Variants in ASAP1 observed in about 807,000 individuals in gnomAD.
ASAP1 encodes ArfGAP with SH3 domain, ankyrin repeat and PH domain 1.
A neutral mutation model predicts 145.2 loss-of-function variants in ASAP1; 43 were observed. The ratio of observed to expected loss-of-function variants is 0.30; its 90% CI spans 0.23 to 0.38. ASAP1 has a LOEUF of 0.38. Ranked by LOEUF, ASAP1 falls within the 10% of genes least tolerant of loss-of-function variation. The probability of loss-of-function intolerance (pLI) is 1.00; values close to 1 mark genes in which losing one functional copy is unlikely to be tolerated. For missense variants in ASAP1, 1,018 were observed against 1,355.3 expected, an observed-to-expected ratio of 0.75 and a Z score of 3.91; for synonymous variants, 546 against 515.5, an observed-to-expected ratio of 1.06 and a Z score of -0.80.
chr8:130,217,373 C>G (rs1816993679), intron 4 of ASAP1, among the ~76,000 whole-genome samples: 1 of 151,536 alleles, frequency 6.6e-6, no homozygotes, highest in Non-Finnish European at 1.5e-5. Flanking sequence ...TAAAGTCTTC[C>G]TTTAGTTGGA....
intron 3 of ASAP1, among the ~76,000 whole-genome samples, chr8:130,316,775 T>A (rs1445373291): frequency 6.6e-6 from 1 of 152,232 alleles, no homozygotes; most frequent in Non-Finnish European, 1.5e-5. Flanking sequence ...ATGTCTAAGT[T>A]CCTTTTAGAG....
At chr8:130,340,062 C>A (rs990838061) in intron 3 of ASAP1, among the ~76,000 whole-genome samples, 3 of 152,148 alleles carry the variant, frequency 2.0e-5, no homozygotes, top group African/African-American at 2.4e-5. Flanking sequence ...TGGAGATAAA[C>A]AGATGAATAA....
chr8:130,378,135 T>A (rs982524559), intron 2 of ASAP1, among the ~76,000 whole-genome samples: 8 of 152,246 alleles, frequency 5.3e-5, no homozygotes, highest in African/African-American at 1.9e-4. Context: ...GTTAACCTCT[T>A]AATCCTCAGT....
chr8:130,371,843 T>C (rs1827227360), intron 2 of ASAP1, among the ~76,000 whole-genome samples: 1 of 152,246 alleles, frequency 6.6e-6, no homozygotes, highest in Non-Finnish European at 1.5e-5. Flanking sequence ...ACATAATTGC[T>C]AATGTTATTT....
Position 130,350,895 on chromosome 8 carries a change from C to T in ASAP1, c.186+7122G>A, listed in dbSNP as rs1211640840. 2.6e-5 allele frequency among the ~76,000 whole-genome samples: 4 copies of T among 152,180 alleles called. No homozygotes were observed. In the South Asian group the frequency reaches 6.2e-4, roughly 24 times the overall value. On this transcript the variant is annotated intron_variant, in intron 3 of 29. Coordinates refer to ENST00000518721, the MANE Select transcript of ASAP1 (RefSeq NM_018482.4). ...GTGGTTCTTTAGCCAGGGCTCTGGG[C>T]AGCTCATAGGCAAATCAGGTTGGGT...
chr8:130,206,156 G>T (rs1002532504), intron 5 of ASAP1, among the ~76,000 whole-genome samples: 4 of 152,070 alleles, frequency 2.6e-5, no homozygotes, highest in Non-Finnish European at 4.4e-5. Flanking sequence ...ATGTCCCACA[G>T]TATTAATTGG....
At chr8:130,296,163 G>A (rs1822259096) in intron 3 of ASAP1, among the ~76,000 whole-genome samples, 2 of 152,286 alleles carry the variant, frequency 1.3e-5, no homozygotes, top group East Asian at 1.9e-4. Context: ...AGGGAGGCCC[G>A]ACCTTCCTTA....
intron 27 of ASAP1, among the ~76,000 whole-genome samples, chr8:130,073,885 G>C (rs1340688432): frequency 6.6e-6 from 1 of 152,110 alleles, no homozygotes; most frequent in African/African-American, 2.4e-5. Flanking sequence ...CAGGTTTCTG[G>C]AATCAACTTC....
chr8:130,148,329 G>A (rs2097637792), intron 13 of ASAP1, among the ~76,000 whole-genome samples: 1 of 152,198 alleles, frequency 6.6e-6, no homozygotes, highest in Non-Finnish European at 1.5e-5. Context: ...TAACCTCTCT[G>A]AGCTTCATCT....
intron 8 of ASAP1, among the ~76,000 whole-genome samples, chr8:130,179,889 TG>T: frequency 6.6e-6 from 1 of 152,116 alleles, no homozygotes; most frequent in East Asian, 1.9e-4. Flanking sequence ...TGACACTGTT[TG>T]CTCACTTGTT....
intron 25 of ASAP1, among the ~76,000 whole-genome samples, chr8:130,082,159 T>A (rs1420477744): frequency 6.6e-6 from 1 of 152,166 alleles, no homozygotes; most frequent in Non-Finnish European, 1.5e-5. Flanking sequence ...TGTAATTCTA[T>A]GATATTGATA....
intron 11 of ASAP1, among the ~76,000 whole-genome samples, chr8:130,160,417 A>T (rs892158045): frequency 6.6e-6 from 1 of 152,228 alleles, no homozygotes; most frequent in Non-Finnish European, 1.5e-5. Context: ...TATGCCCCCA[A>T]ATAAAAGGGG....
intron 2 of ASAP1, among the ~76,000 whole-genome samples, chr8:130,395,507 C>A (rs1828486016): frequency 6.6e-6 from 1 of 152,176 alleles, no homozygotes; most frequent in Middle Eastern, 3.2e-3. Flanking sequence ...CAGGCAGGAA[C>A]TGGAGTGATG....
intron 1 of ASAP1, among the ~76,000 whole-genome samples, chr8:130,415,006 C>T (rs1323629347): frequency 6.6e-6 from 1 of 152,260 alleles, no homozygotes; most frequent in African/African-American, 2.4e-5. Context: ...GATCCCCCCA[C>T]CTTGGCCTCC....
intron 3 of ASAP1, among the ~76,000 whole-genome samples, chr8:130,338,351 T>C (rs1441409019): frequency 6.6e-6 from 1 of 152,186 alleles, no homozygotes; most frequent in African/African-American, 2.4e-5. Flanking sequence ...GTTAACTACC[T>C]GACATACAGC....
chr8:130,341,098 C>G (rs990445116), intron 3 of ASAP1, among the ~76,000 whole-genome samples: 1 of 152,042 alleles, frequency 6.6e-6, no homozygotes, highest in Non-Finnish European at 1.5e-5. Context: ...AATTAAGTCA[C>G]TAAGTCTAGT....
intron 3 of ASAP1, among the ~76,000 whole-genome samples, chr8:130,287,421 A>G (rs1322058496): frequency 1.3e-5 from 2 of 152,062 alleles, no homozygotes; most frequent in Non-Finnish European, 1.5e-5. Context: ...CTTTATGAAT[A>G]TTGTCTTTGT....
At chr8:130,236,037 A>G (rs1163628321) in intron 4 of ASAP1, among the ~76,000 whole-genome samples, 1 of 152,142 alleles carries the variant, frequency 6.6e-6, no homozygotes, top group Non-Finnish European at 1.5e-5. Context: ...AGAAATAACC[A>G]GCTCAAGGTC....
chr8:130,367,862 A>G (rs1827031699), intron 2 of ASAP1, among the ~76,000 whole-genome samples: 1 of 152,216 alleles, frequency 6.6e-6, no homozygotes. Context: ...TTCGCCTGCA[A>G]TGTATTTGAA....
Sources: allele counts gnomAD v4.1 joint callset (sites outside exome capture counted in the v4.1 genomes callset), GRCh38; gene constraint gnomAD v4.1.1; transcripts MANE v1.5; gene names NCBI Gene and HGNC (gene_info 2026-07-23, HGNC 2026-07-21).